The following ZDHHC11 variants were observed in gnomAD, a reference collection of about 807,000 sequenced individuals.
The protein encoded by ZDHHC11 is zDHHC palmitoyltransferase 11, also known as palmitoyltransferase ZDHHC11.
Under a neutral mutation model 51.3 loss-of-function variants are expected in ZDHHC11, and 44 were observed. That is an observed-to-expected ratio of 0.86 (90% CI 0.67 to 1.10). The LOEUF (loss-of-function observed/expected upper bound fraction) is 1.10, where lower values mean the gene tolerates loss of function less well. Among genes scored for constraint, ZDHHC11 ranks in the 50% least tolerant of loss-of-function variants. The pLI, the probability that ZDHHC11 is intolerant of heterozygous loss-of-function variation, is 0.00. For synonymous variants in ZDHHC11, 163 were observed against 222.0 expected, an observed-to-expected ratio of 0.73 and a Z score of 2.36; for missense variants, 400 against 537.7, an observed-to-expected ratio of 0.74 and a Z score of 2.53.
chr5:843,844 G>GGGTGTGCA (rs1745535580), intron 3 of ZDHHC11, 120 bp from the exon 4 acceptor site: 1 of 670,822 alleles, frequency 1.5e-6, no homozygotes, highest in African/African-American at 2.8e-5. Flanking sequence ...GGCGGGCGTG[G>GGGTGTGCA]GGGGCACAGC....
upstream of ZDHHC11, among the ~76,000 whole-genome samples, chr5:859,575 CTT>C (rs1383317043): frequency 4.6e-5 from 7 of 152,224 alleles, no homozygotes; most frequent in Non-Finnish European, 8.8e-5. Context: ...TGAGCAAAGA[CTT>C]TGGCCACCGT....
Position 850,900 on chromosome 5 carries a change from C to G in ZDHHC11, c.-298G>C. ...TGTGGAGGACCCAGTGCCCGCGCGA[C>G]CGCCCATCAGTTCCCCTGAGGATTT... On this transcript the variant is annotated 5_prime_UTR_variant, in exon 1 of 13. Transcript: ENST00000283441. 2.2e-6 allele frequency: 1 copy of G among 447,846 alleles called. No individual in the cohort carries two copies. 27.7% of individuals were successfully genotyped at this position (447,846 alleles called of 1,614,324 possible). A position where few individuals can be genotyped will look rare whatever the true frequency, so the allele number is the denominator to read the frequency against.
At chr5:812,645 G>T (rs2150313681) in intron 11 of ZDHHC11, among the ~76,000 whole-genome samples, 1 of 151,486 alleles carries the variant, frequency 6.6e-6, no homozygotes, top group African/African-American at 2.4e-5. Context: ...AAGAAACTAT[G>T]AGGATTTAAA....
At chr5:849,056 C>G (rs143593663) in intron 1 of ZDHHC11, among the ~76,000 whole-genome samples, 1 of 151,966 alleles carries the variant, frequency 6.6e-6, no homozygotes, top group East Asian at 1.9e-4. Context: ...TCACACATGG[C>G]CCTGCACACA....
At position 837,448 on chromosome 5, in the gene ZDHHC11, T is replaced by C. The variant is rs771354345; in HGVS notation, c.817A>G (p.Ile273Val). 2 of 1,609,888 alleles carry C rather than the reference T, an allele frequency of 1.2e-6. No homozygotes were observed. The highest frequency in any genetic ancestry group is 1.3e-5 in the African/African-American group (1 of 74,548). Residue 273 changes from isoleucine to valine, a missense_variant, in exon 6 of 13, where the codon ATT becomes GTT. This residue lies in a region of ZDHHC11 where 231 missense variants were observed against 227.4 expected (regional missense o/e 1.02). Coordinates refer to ENST00000283441, the MANE Select transcript of ZDHHC11 (RefSeq NM_024786.3). ...AKKMTTFEYL[I>V]NNRKEESSKH... ...GAACTCTCTTCTTTGCGGTTATTAA[T>C]GAGATACTCAAAGGTGGTCATCTTC...
At chr5:799,686 C>T (rs1297734262) in intron 12 of ZDHHC11, among the ~76,000 whole-genome samples, 14 of 151,430 alleles carry the variant, frequency 9.2e-5, no homozygotes, top group African/African-American at 2.7e-4. Flanking sequence ...GGGAGGAGCA[C>T]GTAGACTCAG....
intron 11 of ZDHHC11, among the ~76,000 whole-genome samples, chr5:803,452 A>G (rs1298194926): frequency 3.3e-5 from 5 of 151,390 alleles, no homozygotes; most frequent in African/African-American, 1.2e-4. Context: ...TTGCAAAACT[A>G]CTTTGGAAAG....
rs1044953381 is a variant in ZDHHC11, at chr5:850,850, G to A, written c.-248C>T. 3.7e-5 allele frequency: 22 copies of A among 593,794 alleles called. No homozygotes were observed. Among genetic ancestry groups the A allele is most frequent in the Non-Finnish European group, 1.2e-5 (4 of 339,262 alleles). The allele number at this position is 593,794 out of a possible 1,614,324, so 36.8% of individuals were successfully genotyped here. The stretch of plus-strand genomic sequence containing the variant: ...AATGTGACCCCGGCCAGAGCCGAGT[G>A]GCAACGGAAAACGGCTCTCCAGGGT... On this transcript the variant is annotated 5_prime_UTR_variant, in exon 1 of 13. Coordinates refer to ENST00000283441, the MANE Select transcript of ZDHHC11 (RefSeq NM_024786.3).
chr5:854,782 G>A (rs542990978), upstream of ZDHHC11, among the ~76,000 whole-genome samples: 145 of 141,486 alleles, frequency 1.0e-3, 1 homozygote, highest in Non-Finnish European at 1.9e-3. Context: ...CAGACCCCAC[G>A]GAGGACAGTG....
intron 10 of ZDHHC11, among the ~76,000 whole-genome samples, chr5:818,577 A>C (rs1194067416): frequency 1.3e-5 from 2 of 151,684 alleles, no homozygotes; most frequent in Non-Finnish European, 1.5e-5. Context: ...ATTCCCCCAC[A>C]GCCTAGTACA....
intron 9 of ZDHHC11, among the ~76,000 whole-genome samples, chr5:821,537 A>AG (rs1356003434): frequency 1.3e-5 from 2 of 151,420 alleles, no homozygotes; most frequent in African/African-American, 4.8e-5. Flanking sequence ...CACGGCAGAC[A>AG]GGAGACAGGG....
intron 7 of ZDHHC11, among the ~76,000 whole-genome samples, chr5:829,717 GA>G (rs1339447022): frequency 6.6e-6 from 1 of 151,516 alleles, no homozygotes; most frequent in Non-Finnish European, 1.5e-5. Flanking sequence ...TATCCCTCAT[GA>G]ATATAGATGC....
intron 9 of ZDHHC11, among the ~76,000 whole-genome samples, chr5:820,387 G>C (rs1741411678): frequency 6.6e-6 from 1 of 151,594 alleles, no homozygotes; most frequent in African/African-American, 2.4e-5. Context: ...CTAAGCAAAA[G>C]TCTGCATGAA....
In ZDHHC11 at chr5:850,627, C is replaced by T. The variant is rs1218380549; in HGVS notation, c.-25G>A. ...TCTGCAGGACACAGAAGGGGAGGACCTGCGCCGTCAGATCCTGGGAGGGCC... is the reference window on the plus strand; with the variant it reads ...TCTGCAGGACACAGAAGGGGAGGACTTGCGCCGTCAGATCCTGGGAGGGCC... On this transcript the variant is annotated 5_prime_UTR_variant, in exon 1 of 13. Coordinates refer to ENST00000283441, the MANE Select transcript of ZDHHC11 (RefSeq NM_024786.3). 1.2e-6 allele frequency: 2 copies of T among 1,609,352 alleles called. No homozygotes were observed. The highest frequency in any genetic ancestry group is 1.7e-6 in the Non-Finnish European group (2 of 1,178,002).
intron 10 of ZDHHC11, among the ~76,000 whole-genome samples, chr5:815,022 C>T (rs1418089402): frequency 6.6e-6 from 1 of 151,392 alleles, no homozygotes; most frequent in African/African-American, 2.4e-5. Context: ...GACATCCTGA[C>T]TCCCAGTACC....
chr5:841,647 T>A (rs956690321), intron 4 of ZDHHC11: 2 of 990,850 alleles, frequency 2.0e-6, no homozygotes, highest in African/African-American at 3.5e-5. Context: ...CTAAAACAGC[T>A]GCCTTCAAAT....
chr5:818,464 G>C (rs1362108721), intron 10 of ZDHHC11, among the ~76,000 whole-genome samples: 2 of 151,710 alleles, frequency 1.3e-5, no homozygotes, highest in African/African-American at 4.8e-5. Context: ...CCTGTTCCCT[G>C]AAGTCCTGGG....
chr5:845,225 G>A (rs1304009067), intron 3 of ZDHHC11, among the ~76,000 whole-genome samples: 1 of 152,310 alleles, frequency 6.6e-6, no homozygotes, highest in Non-Finnish European at 1.5e-5. Context: ...GGTTTCCCAA[G>A]CAGCAGCCCC....
In ZDHHC11 at chr5:814,493, G is replaced by A. The variant is rs191121622; in HGVS notation, c.1181+268C>T. Among the ~76,000 whole-genome samples, 570 of 151,474 alleles carry A rather than the reference G, an allele frequency of 3.8e-3. 28 individuals carry two copies. The highest frequency in any genetic ancestry group is 5.3e-3 in the Non-Finnish European group (361 of 67,716). ...AACATTCAGGCTGACAACATTACAC[G>A]TGTTTAAAGAAAGAAAATAACTACG... On this transcript the variant is annotated intron_variant, in intron 11 of 12. Coordinates refer to ENST00000283441, the MANE Select transcript of ZDHHC11 (RefSeq NM_024786.3).
Sources: allele counts gnomAD v4.1 joint callset (sites outside exome capture counted in the v4.1 genomes callset), GRCh38; gene constraint gnomAD v4.1.1; regional missense constraint gnomAD v4.1.1; transcripts MANE v1.5; gene names NCBI Gene and HGNC (gene_info 2026-07-23, HGNC 2026-07-21).